Variants in SOCS7 observed in about 807,000 individuals in gnomAD.
The protein encoded by SOCS7 is NAP-4.
A neutral mutation model predicts 58.9 loss-of-function variants in SOCS7; 18 were observed. That is an observed-to-expected ratio of 0.31 (90% CI 0.21 to 0.45). SOCS7 has a LOEUF of 0.45. Among genes scored for constraint, SOCS7 ranks in the 20% least tolerant of loss-of-function variants. SOCS7 has a pLI of 1.00. For missense variants in SOCS7, 667 were observed against 837.3 expected (o/e 0.80, Z 2.51); for synonymous variants, 388 against 364.3 (o/e 1.06, Z -0.74).
intron 8 of SOCS7, 126 bp from the exon 9 acceptor site, chr17:38,395,722 T>C: frequency 9.8e-7 from 1 of 1,024,198 alleles, no homozygotes; most frequent in Non-Finnish European, 1.5e-6. Context: ...CTATAATAAC[T>C]GAGAAAATGG....
intron 1 of SOCS7, among the ~76,000 whole-genome samples, chr17:38,357,256 C>G (rs1269226850): frequency 6.6e-6 from 1 of 152,220 alleles, no homozygotes; most frequent in African/African-American, 2.4e-5. Context: ...TGAGTAATAG[C>G]ATGACATGCT....
At chr17:38,391,577 TG>T (rs1332232398) in intron 7 of SOCS7, among the ~76,000 whole-genome samples, 2 of 152,210 alleles carry the variant, frequency 1.3e-5, no homozygotes, top group Admixed American at 6.5e-5. Flanking sequence ...TTTTAATTTT[TG>T]TAGAGGTAAG....
At chr17:38,383,766 A>G (rs2038032964) in intron 7 of SOCS7, among the ~76,000 whole-genome samples, 1 of 151,848 alleles carries the variant, frequency 6.6e-6, no homozygotes, top group Admixed American at 6.6e-5. Context: ...CTGGTCTCGA[A>G]CTCCTGACCT....
intron 7 of SOCS7, among the ~76,000 whole-genome samples, chr17:38,382,591 C>T (rs550627920): frequency 5.3e-5 from 8 of 152,002 alleles, no homozygotes; most frequent in African/African-American, 1.7e-4. Flanking sequence ...CGAGTTCAAA[C>T]GATTCTCCTT....
chr17:38,374,931 G>A (rs2037912638), intron 6 of SOCS7, among the ~76,000 whole-genome samples: 1 of 152,192 alleles, frequency 6.6e-6, no homozygotes, highest in South Asian at 2.1e-4. Context: ...GGTAGAAGAA[G>A]AATTGGTACC....
intron 6 of SOCS7, among the ~76,000 whole-genome samples, chr17:38,372,788 G>A (rs1169161672): frequency 3.3e-5 from 5 of 152,148 alleles, no homozygotes; most frequent in Non-Finnish European, 5.9e-5. Flanking sequence ...CAAGATAAGT[G>A]AATTCAGCAT....
intron 7 of SOCS7, among the ~76,000 whole-genome samples, chr17:38,381,973 AAC>A (rs1443203744): frequency 0.012 from 1,274 of 109,498 alleles, 126 homozygotes; most frequent in African/African-American, 0.056. Flanking sequence ...AAAAAAAAAA[AAC>A]CTAAAAAAAC....
chr17:38,361,726 A>G lies in SOCS7; in HGVS notation c.996A>G (p.Thr332=). The G allele has an allele frequency of 6.2e-7, 1 of 1,613,674 alleles. No individual in the cohort carries two copies. The highest frequency in any genetic ancestry group is 1.6e-4 in the Middle Eastern group (1 of 6,062). The change falls in exon 2 of 10, where the codon ACA becomes ACG. Residue 332 remains threonine (T), a synonymous_variant. Coordinates refer to ENST00000612932, the MANE Select transcript of SOCS7 (RefSeq NM_014598.4). ...CACTCCCTAGGAAACCCAAGTTGAC[A>G]AGAACTCAAAGTGCCTTTTCTCCGG... ...ELDAGRKPKL[T]RTQSAFSPVS...
At chr17:38,397,790 G>A (rs951927103) in intron 9 of SOCS7, among the ~76,000 whole-genome samples, 4 of 152,212 alleles carry the variant, frequency 2.6e-5, no homozygotes, top group Non-Finnish European at 5.9e-5. Flanking sequence ...AAATGAATGG[G>A]CTAATTTCAG....
rs981794376 is a variant in SOCS7 at position 38,399,645 on chromosome 17, G to C, written c.*163G>C. The C allele has an allele frequency of 2.0e-5, 3 of 152,660 alleles. No homozygotes were observed. Among genetic ancestry groups the C allele is most frequent in the African/African-American group, 7.2e-5 (3 of 41,444 alleles). The allele number at this position is 152,660 out of a possible 1,614,324, so 9.5% of individuals were successfully genotyped here. A position where few individuals can be genotyped will look rare whatever the true frequency, so the allele number is the denominator to read the frequency against. Reference sequence around the variant, plus strand: ...GGTTCCCCACGCAGCCCTGGGGCTTGGAAGAAGCACATGACCGTACTCTGC... The same window carrying C: ...GGTTCCCCACGCAGCCCTGGGGCTTCGAAGAAGCACATGACCGTACTCTGC... On this transcript the variant is annotated 3_prime_UTR_variant, in exon 10 of 10. Transcript: ENST00000612932.
At chr17:38,368,663 G>A (rs2037823113) in intron 6 of SOCS7, among the ~76,000 whole-genome samples, 1 of 151,986 alleles carries the variant, frequency 6.6e-6, no homozygotes, top group Non-Finnish European at 1.5e-5. Flanking sequence ...CACCAGGCCT[G>A]GCTAATTTTT....
chr17:38,389,988 C>G (rs1489086052), intron 7 of SOCS7, among the ~76,000 whole-genome samples: 1 of 140,196 alleles, frequency 7.1e-6, no homozygotes, highest in Non-Finnish European at 1.6e-5. Flanking sequence ...GTGGCACGAT[C>G]GTGGCTCACT....
At chr17:38,382,766 C>A (rs184971588) in intron 7 of SOCS7, among the ~76,000 whole-genome samples, 1 of 152,054 alleles carries the variant, frequency 6.6e-6, no homozygotes, top group Non-Finnish European at 1.5e-5. Flanking sequence ...AGATTACAGG[C>A]GTGAGCCACC....
chr17:38,393,246 T>C (rs538197024), intron 7 of SOCS7, among the ~76,000 whole-genome samples: 9 of 152,092 alleles, frequency 5.9e-5, no homozygotes, highest in South Asian at 2.1e-4. Context: ...ATTTTTTTTT[T>C]CCCCTGGAAA....
At chr17:38,373,851 T>C (rs1248929537) in intron 6 of SOCS7, among the ~76,000 whole-genome samples, 1 of 152,224 alleles carries the variant, frequency 6.6e-6, no homozygotes, top group African/African-American at 2.4e-5. Context: ...TGGTACTCTA[T>C]GCAAAGGATT....
In SOCS7 at chr17:38,363,130, AC is replaced by A. The variant is rs373672008; in HGVS notation, c.1045+1357del. On this transcript the variant is annotated intron_variant, in intron 2 of 9. Coordinates refer to ENST00000612932, the MANE Select transcript of SOCS7 (RefSeq NM_014598.4). The stretch of plus-strand genomic sequence containing the variant: ...GTCTCAAAAAAAAAAAAGGAACACC[AC>A]CTACATTTGTAGTTTGAGGTTCAGG... Among the ~76,000 whole-genome samples, 699 of 151,746 alleles carry A rather than the reference AC, an allele frequency of 4.6e-3. 3 individuals are homozygous for A. Among genetic ancestry groups the A allele is most frequent in the Middle Eastern group, 0.01 (3 of 290 alleles).
At position 38,377,790 on chromosome 17, in the gene SOCS7, T is replaced by G; in HGVS notation, c.1629T>G (p.Ile543Met). 1 of 1,613,836 alleles carries G rather than the reference T, an allele frequency of 6.2e-7. No homozygotes were observed. Among genetic ancestry groups the G allele is most frequent in the South Asian group, 1.1e-5 (1 of 91,038 alleles). The change falls in exon 7 of 10, where the codon ATT becomes ATG. Residue 543 changes from isoleucine to methionine, a missense_variant. By Grantham distance (10) the Ile-to-Met change is conservative (BLOSUM62 1). This residue lies in a region of SOCS7 where 76 missense variants were observed against 194.5 expected (regional missense o/e 0.39). Coordinates refer to ENST00000612932, the MANE Select transcript of SOCS7 (RefSeq NM_014598.4). ...QSVVEFIKRAIMHSKNGKFLY... is the reference protein window; with the variant it reads ...QSVVEFIKRAMMHSKNGKFLY... ...TTGTAGAGTTTATTAAGAGAGCCAT[T>G]ATGCACTCCAAGAATGGAAAGTTTC... is the stretch of plus-strand genomic sequence containing the variant.
Position 38,352,203 on chromosome 17 carries a change from C to T in SOCS7, c.151C>T (p.Leu51Phe), listed in dbSNP as rs1189996761. The T allele has an allele frequency of 9.8e-6, 13 of 1,329,768 alleles. No individual in the cohort carries two copies. The highest frequency in any genetic ancestry group is 1.5e-5 in the African/African-American group (1 of 64,890). 82.4% of individuals were successfully genotyped at this position (1,329,768 alleles called of 1,614,324 possible). A position where few individuals can be genotyped will look rare whatever the true frequency, so the allele number is the denominator to read the frequency against. ...CCATGGCCCCCCGCCGCCACCCTTCCTCGCGCGGCCCGGCCCGCGGGGCTC... is the reference window on the plus strand; with the variant it reads ...CCATGGCCCCCCGCCGCCACCCTTCTTCGCGCGGCCCGGCCCGCGGGGCTC... ...PGHGPPPPPF[L>F]ARPGPRGSRP... Residue 51 changes from leucine (L) to phenylalanine (F), a missense_variant, in exon 1 of 10, where the codon CTC becomes TTC. By Grantham distance (22) the Leu-to-Phe change is conservative. Transcript: ENST00000612932. The surrounding 1 kb of genome is among the most constrained non-coding windows in gnomAD (Gnocchi z 5.5).
At chr17:38,384,723 G>C (rs1449542574) in intron 7 of SOCS7, among the ~76,000 whole-genome samples, 4 of 151,896 alleles carry the variant, frequency 2.6e-5, no homozygotes, top group Admixed American at 2.6e-4. Flanking sequence ...CTCCTGAGTA[G>C]CTGGGATTAC....
Sources: gnomAD v4.1 joint callset for allele counts (sites outside exome capture counted in the v4.1 genomes callset) on GRCh38, gnomAD v4.1.1 for gene constraint, gnomAD v4.1.1 regional missense constraint, Gnocchi (gnomAD v3.1) non-coding constraint, MANE v1.5 for transcripts, NCBI Gene and HGNC (gene_info 2026-07-23, HGNC 2026-07-21) for gene names.